The following ALPK1 variants were observed in gnomAD, a reference collection of about 807,000 sequenced individuals.
ALPK1 encodes the protein alpha-protein kinase 1.
A neutral mutation model predicts 120.6 loss-of-function variants in ALPK1; 110 were observed. The ratio of observed to expected loss-of-function variants is 0.91; its 90% confidence interval spans 0.78 to 1.07. The LOEUF (loss-of-function observed/expected upper bound fraction) is 1.07. Ranked by LOEUF, ALPK1 falls within the 50% of genes least tolerant of loss-of-function variation. The pLI is 0.00. For synonymous variants in ALPK1, 582 were observed against 560.3 expected (o/e 1.04, Z -0.55); for missense variants, 1,498 against 1,483.9 (o/e 1.01, Z -0.16).
At chr4:112,305,958 A>G (rs1281538525) in intron 1 of ALPK1, among the ~76,000 whole-genome samples, 1 of 152,108 alleles carries the variant, frequency 6.6e-6, no homozygotes, top group Non-Finnish European at 1.5e-5. Context: ...TTTAGCATGA[A>G]GGGCTGTTGA....
At chr4:112,381,385 G>T (rs1463790277) in intron 3 of ALPK1, among the ~76,000 whole-genome samples, 1 of 152,164 alleles carries the variant, frequency 6.6e-6, no homozygotes, top group Non-Finnish European at 1.5e-5. Context: ...GTTCAGTTTT[G>T]GATGTTGAGC....
intron 1 of ALPK1, among the ~76,000 whole-genome samples, chr4:112,297,957 C>T (rs781492146): frequency 2.8e-4 from 43 of 152,078 alleles, no homozygotes; most frequent in South Asian, 8.3e-4. Context: ...AGATAAGGCA[C>T]GAGACTTACT....
At chr4:112,349,556 C>CCT (rs1553939391) in intron 2 of ALPK1, among the ~76,000 whole-genome samples, 7 of 142,716 alleles carry the variant, frequency 4.9e-5, no homozygotes, top group African/African-American at 1.6e-4. Context: ...CCCCTGCCCC[C>CCT]CCCCGCTTTA....
At chr4:112,334,861 T>C (rs1356048573) in intron 2 of ALPK1, among the ~76,000 whole-genome samples, 1 of 152,196 alleles carries the variant, frequency 6.6e-6, no homozygotes, top group Non-Finnish European at 1.5e-5. Flanking sequence ...TTGTTGCCCA[T>C]ATACAGTTAC....
chr4:112,318,643 T>A (rs539039915), intron 2 of ALPK1, among the ~76,000 whole-genome samples: 1 of 152,268 alleles, frequency 6.6e-6, no homozygotes, highest in East Asian at 1.9e-4. Context: ...AACTGATGAG[T>A]TTATTAGATA....
At chr4:112,349,921 G>C (rs1730274556) in intron 2 of ALPK1, among the ~76,000 whole-genome samples, 1 of 152,108 alleles carries the variant, frequency 6.6e-6, no homozygotes. Context: ...ATCTAAGCAT[G>C]GTATTTTAGG....
chr4:112,335,999 AAACC>A (rs71595590), intron 2 of ALPK1, among the ~76,000 whole-genome samples: 31 of 151,786 alleles, frequency 2.0e-4, no homozygotes, highest in Admixed American at 8.5e-4. Flanking sequence ...AATGAACGTA[AAACC>A]AACCAACCAA....
chr4:112,410,324 T>G (rs1733394806), intron 4 of ALPK1, among the ~76,000 whole-genome samples: 1 of 152,236 alleles, frequency 6.6e-6, no homozygotes, highest in African/African-American at 2.4e-5. Context: ...CTTAGTCATG[T>G]GACCTTGGCA....
chr4:112,334,618 G>A (rs1313548662), intron 2 of ALPK1, among the ~76,000 whole-genome samples: 1 of 152,010 alleles, frequency 6.6e-6, no homozygotes, highest in Non-Finnish European at 1.5e-5. Flanking sequence ...TGGTTTTAAA[G>A]CTTAGTTCTT....
intron 2 of ALPK1, among the ~76,000 whole-genome samples, chr4:112,337,496 A>G (rs1349829640): frequency 1.3e-5 from 2 of 152,166 alleles, no homozygotes; most frequent in Non-Finnish European, 2.9e-5. Context: ...GGACTTTGAG[A>G]CAGCCTGGGC....
chr4:112,301,172 C>T (rs1015649764), intron 1 of ALPK1, among the ~76,000 whole-genome samples: 1 of 152,084 alleles, frequency 6.6e-6, no homozygotes. Flanking sequence ...ATATCATTAC[C>T]GAGAAATTTT....
chr4:112,441,212 A>T lies in ALPK1; in HGVS notation c.*2A>T. The T allele has an allele frequency of 6.3e-7, 1 of 1,586,496 alleles. No homozygotes were observed. The highest frequency in any genetic ancestry group is 2.2e-5 in the East Asian group (1 of 44,774). On this transcript the variant is annotated 3_prime_UTR_variant, in exon 16 of 16. Transcript: ENST00000650871. Reference sequence around the variant, plus strand: ...GGTTCTCTCCTTCCAGGCACATAGAATACGGCACAGTCTGGTCCTTTGGGG... The same window carrying T: ...GGTTCTCTCCTTCCAGGCACATAGATTACGGCACAGTCTGGTCCTTTGGGG...
Position 112,440,962 on chromosome 4 carries a change from C to G in ALPK1, c.3584C>G (p.Pro1195Arg). 6.2e-7 allele frequency: 1 copy of G among 1,613,702 alleles called. No individual in the cohort carries two copies. The highest frequency in any genetic ancestry group is 8.5e-7 in the Non-Finnish European group (1 of 1,179,824). The change falls in exon 15 of 16, where the codon CCC (proline) becomes CGC (arginine). Residue 1195 changes from proline (P) to arginine (R), a missense_variant. Coordinates refer to ENST00000650871, the MANE Select transcript of ALPK1 (RefSeq NM_025144.4). ...AAAGGACTCATCTACCTCACAGATC[C>G]CCAGATTCACTCCGTTGATCAGAAA... ...NGKGLIYLTD[P>R]QIHSVDQKVF...
chr4:112,438,442 A>G, intron 12 of ALPK1, 42 bp from the exon 13 acceptor site: 2 of 1,599,582 alleles, frequency 1.3e-6, no homozygotes, highest in Non-Finnish European at 1.7e-6. Flanking sequence ...AGTAAGTAAG[A>G]CCACTTTTGC....
rs989630529 is a variant in ALPK1, at chr4:112,435,886, G to A, written c.3188+585G>A. Among the ~76,000 whole-genome samples, 10 of 152,218 alleles carry A rather than the reference G, an allele frequency of 6.6e-5. No homozygotes were observed. The East Asian group carries it at 1.3e-3, about 20-fold the overall frequency. ...GACTCAGGAATGGCTACATCCCCAC[G>A]ATAAAGGGTATCTTTGAAAACCCCA... On this transcript the variant is annotated intron_variant, in intron 12 of 15. Transcript: ENST00000650871.
chr4:112,339,957 G>A (rs1439400563), intron 2 of ALPK1, among the ~76,000 whole-genome samples: 3 of 152,226 alleles, frequency 2.0e-5, no homozygotes, highest in Admixed American at 6.5e-5. Context: ...AGGAAAAAGT[G>A]AAATCAGCAT....
intron 2 of ALPK1, chr4:112,359,502 C>T: frequency 3.8e-6 from 1 of 262,802 alleles, no homozygotes; most frequent in Non-Finnish European, 7.5e-6. Context: ...GGCCAGCCAG[C>T]CCAACCCAGG....
At chr4:112,304,942 G>A (rs1303619735) in intron 1 of ALPK1, among the ~76,000 whole-genome samples, 2 of 152,030 alleles carry the variant, frequency 1.3e-5, no homozygotes, top group East Asian at 3.8e-4. Flanking sequence ...TGTAAGGAAG[G>A]GATCCAGTTT....
Position 112,430,640 on chromosome 4 carries a change from C to T in ALPK1, c.1093C>T (p.His365Tyr), listed in dbSNP as rs1367506752. Residue 365 changes from histidine to tyrosine, a missense_variant, in exon 11 of 16, where the codon CAC (histidine) becomes TAC (tyrosine). His to Tyr is a moderately conservative substitution (Grantham distance 83). Coordinates refer to ENST00000650871, the MANE Select transcript of ALPK1 (RefSeq NM_025144.4). ...AGCTGCTTTCGGTCTCACCACAGTGCACAGAAGGCTCCATGGGGAGACAGG... is the reference window on the plus strand; with the variant it reads ...AGCTGCTTTCGGTCTCACCACAGTGTACAGAAGGCTCCATGGGGAGACAGG... Reference protein sequence around the residue: ...VKAAFGLTTVHRRLHGETGTV... With the variant: ...VKAAFGLTTVYRRLHGETGTV... The T allele has an allele frequency of 1.2e-6, 2 of 1,614,018 alleles. No homozygotes were observed. Among genetic ancestry groups the T allele is most frequent in the Admixed American group, 1.7e-5 (1 of 60,000 alleles).
Sources: gnomAD v4.1 joint callset for allele counts (sites outside exome capture counted in the v4.1 genomes callset) on GRCh38, gnomAD v4.1.1 for gene constraint, MANE v1.5 for transcripts, NCBI Gene and HGNC (gene_info 2026-07-23, HGNC 2026-07-21) for gene names.